EMP2: variants seen among roughly 807,000 people sequenced by gnomAD.
EMP2 encodes epithelial membrane protein 2.
In EMP2, 19 loss-of-function variants were observed where a neutral mutation model predicts 13.7. The observed-to-expected ratio is 1.38, with a 90% confidence interval of 0.97 to 2.03. EMP2 has a LOEUF of 2.03. EMP2 is among the 30% of genes most tolerant of loss of function. EMP2 has a pLI of 0.00. For missense variants in EMP2, 253 were observed against 220.7 expected (o/e 1.15, Z -0.93); for synonymous variants, 97 against 84.7 (o/e 1.15, Z -0.80).
intron 1 of EMP2, among the ~76,000 whole-genome samples, chr16:10,554,018 CT>C (rs1042563634): frequency 2.0e-5 from 3 of 148,594 alleles, no homozygotes; most frequent in African/African-American, 5.0e-5. Flanking sequence ...GTATCAAAAC[CT>C]TTTTTTTCTT....
chr16:10,536,185 T>C (rs1415695513), intron 4 of EMP2, among the ~76,000 whole-genome samples: 2 of 152,206 alleles, frequency 1.3e-5, no homozygotes, highest in African/African-American at 4.8e-5. Flanking sequence ...CCACCCCACT[T>C]TGCCCTGGAC....
chr16:10,575,739 G>C (rs1002027328), intron 1 of EMP2, among the ~76,000 whole-genome samples: 1 of 152,008 alleles, frequency 6.6e-6, no homozygotes, highest in Non-Finnish European at 1.5e-5. Context: ...AACAAATCAA[G>C]CCACTTCCAT....
chr16:10,571,355 A>G, intron 1 of EMP2, among the ~76,000 whole-genome samples: 1 of 151,420 alleles, frequency 6.6e-6, no homozygotes, highest in South Asian at 2.1e-4. Context: ...AGTCCAGAGA[A>G]GGGGTTAGAC....
chr16:10,565,451 A>G (rs1031805496), intron 1 of EMP2, among the ~76,000 whole-genome samples: 3 of 152,160 alleles, frequency 2.0e-5, no homozygotes, highest in Non-Finnish European at 4.4e-5. Flanking sequence ...TCAGACTTGA[A>G]CTACATCATC....
At chr16:10,537,593 G>A (rs2050657724) in intron 4 of EMP2, among the ~76,000 whole-genome samples, 1 of 152,042 alleles carries the variant, frequency 6.6e-6, no homozygotes, top group Non-Finnish European at 1.5e-5. Context: ...CCTCTACCCA[G>A]GACACTGTTC....
intron 1 of EMP2, among the ~76,000 whole-genome samples, chr16:10,556,171 C>T (rs1255656841): frequency 6.6e-6 from 1 of 152,138 alleles, no homozygotes; most frequent in East Asian, 1.9e-4. Context: ...CCTTGAAAAA[C>T]TCCTTTTCCC....
chr16:10,548,663 T>C (rs1308754694), intron 1 of EMP2, among the ~76,000 whole-genome samples: 2 of 151,778 alleles, frequency 1.3e-5, no homozygotes, highest in African/African-American at 4.8e-5. Flanking sequence ...CACTGCACAC[T>C]AGCCTGGGTG....
At chr16:10,533,117 C>T in intron 4 of EMP2, 25 bp from the exon 5 acceptor site, 2 of 1,528,256 alleles carry the variant, frequency 1.3e-6, no homozygotes. Flanking sequence ...GGTGAATTTT[C>T]AATAAATCAT....
rs574204438 is a variant in EMP2, at chr16:10,567,813, AC to A, written c.-61+12735del. Among the ~76,000 whole-genome samples the A allele has an allele frequency of 2.3e-4, 35 of 152,346 alleles. No homozygotes were observed. In the South Asian group the frequency reaches 7.3e-3, roughly 32 times the overall value. On this transcript the variant is annotated intron_variant, in intron 1 of 4. Coordinates refer to ENST00000359543, the MANE Select transcript of EMP2 (RefSeq NM_001424.6). ...ACTCCCGCTGTGAGCAGCATGAAAT[AC>A]CACTAAAGCAAGGGGGAAATGGAAG...
intron 3 of EMP2, among the ~76,000 whole-genome samples, chr16:10,541,555 A>G (rs1443721685): frequency 6.6e-6 from 1 of 152,154 alleles, no homozygotes; most frequent in Non-Finnish European, 1.5e-5. Flanking sequence ...CATGTGGAGG[A>G]TTCAGAAAAA....
At chr16:10,552,908 A>C (rs1240069957) in intron 1 of EMP2, among the ~76,000 whole-genome samples, 1 of 152,186 alleles carries the variant, frequency 6.6e-6, no homozygotes, top group Non-Finnish European at 1.5e-5. Flanking sequence ...TTTTCAAGAG[A>C]AGTCAAGTAA....
chr16:10,564,490 C>CAAA (rs34683301), intron 1 of EMP2, among the ~76,000 whole-genome samples: 12 of 70,850 alleles, frequency 1.7e-4, no homozygotes, highest in Admixed American at 3.4e-4. Context: ...GACTCTGTCT[C>CAAA]AAAAAAAAAA....
chr16:10,541,518 T>C (rs1395843482), intron 3 of EMP2, among the ~76,000 whole-genome samples: 1 of 152,134 alleles, frequency 6.6e-6, no homozygotes, highest in Non-Finnish European at 1.5e-5. Flanking sequence ...CCAACCCCTG[T>C]TTTAAAGAAA....
intron 1 of EMP2, among the ~76,000 whole-genome samples, chr16:10,565,699 G>A (rs2050902822): frequency 6.6e-6 from 1 of 152,168 alleles, no homozygotes; most frequent in Admixed American, 6.5e-5. Flanking sequence ...CTTGAGGTGG[G>A]GAGGGATCCA....
chr16:10,562,201 T>C lies in EMP2; in HGVS notation c.-60-14524A>G, dbSNP rs151053334. On this transcript the variant is annotated intron_variant, in intron 1 of 4. Transcript: ENST00000359543. ...AATTTTAGCAGATCAAATCCTCCCA[T>C]CAAGAGGTACAATCCAATCTATTTC... Among the ~76,000 whole-genome samples, 1,227 of 152,212 alleles carry C rather than the reference T, an allele frequency of 8.1e-3. 26 individuals carry two copies. Among genetic ancestry groups the C allele is most frequent in the African/African-American group, 0.028 (1,165 of 41,548 alleles).
At chr16:10,551,366 A>C (rs2050787168) in intron 1 of EMP2, among the ~76,000 whole-genome samples, 1 of 152,148 alleles carries the variant, frequency 6.6e-6, no homozygotes, top group Non-Finnish European at 1.5e-5. Context: ...AGAAACTTTC[A>C]CTCAGAGTTT....
chr16:10,567,510 C>T (rs2050915090), intron 1 of EMP2, among the ~76,000 whole-genome samples: 1 of 152,160 alleles, frequency 6.6e-6, no homozygotes, highest in South Asian at 2.1e-4. Flanking sequence ...GGGGCTTAGA[C>T]CAGGCTCTGG....
intron 1 of EMP2, among the ~76,000 whole-genome samples, chr16:10,575,289 C>T (rs12923549): frequency 0.51 from 56,479 of 110,326 alleles, 13,163 homozygotes; most frequent in Non-Finnish European, 0.57. Context: ...AGTCTCGCTC[C>T]GTCGCCCAGG....
intron 4 of EMP2, among the ~76,000 whole-genome samples, chr16:10,535,332 T>C (rs1261940357): frequency 1.3e-5 from 2 of 152,174 alleles, no homozygotes; most frequent in African/African-American, 2.4e-5. Context: ...GGAATTTTCA[T>C]ATATGTGAAA....
Sources: gnomAD v4.1 joint callset for allele counts (sites outside exome capture counted in the v4.1 genomes callset) on GRCh38, gnomAD v4.1.1 for gene constraint, MANE v1.5 for transcripts, NCBI Gene and HGNC (gene_info 2026-07-23, HGNC 2026-07-21) for gene names.